Variants in RHBDD1 observed in about 807,000 individuals in gnomAD.
RHBDD1 encodes rhomboid domain containing 1.
RHBDD1 carries 38 observed loss-of-function variants against 36.3 expected under a neutral mutation model. The observed-to-expected ratio is 1.05, with a 90% CI of 0.81 to 1.37. The LOEUF (loss-of-function observed/expected upper bound fraction) is 1.37. Among genes scored for constraint, RHBDD1 ranks in the 40% most tolerant of loss-of-function variants. RHBDD1 has a pLI of 0.00. For missense variants in RHBDD1, 393 were observed against 377.6 expected, an observed-to-expected ratio of 1.04 and a Z score of -0.34; for synonymous variants, 151 against 136.5, an observed-to-expected ratio of 1.11 and a Z score of -0.74.
In RHBDD1 at chr2:226,883,127, A is replaced by G. The variant is rs542278415; in HGVS notation, c.566+15809A>G. Among the ~76,000 whole-genome samples the G allele has an allele frequency of 5.9e-5, 9 of 152,304 alleles. No individual in the cohort carries two copies. In the South Asian group the frequency reaches 1.9e-3, roughly 32 times the overall value. On this transcript the variant is annotated intron_variant, in intron 5 of 8. Transcript: ENST00000392062. The stretch of plus-strand genomic sequence containing the variant: ...AGAGTTCCTCATGGCTGTGACACTT[A>G]TTTTTATTTATTTCTAATGAGTTAT...
rs189308840 is a variant in RHBDD1 at position 226,963,660 on chromosome 2, A to G, written c.857-31771A>G. 4.3e-3 allele frequency among the ~76,000 whole-genome samples: 649 copies of G among 152,030 alleles called. 4 individuals carry two copies. The highest frequency in any genetic ancestry group is 3.7e-3 in the Non-Finnish European group (249 of 67,976). ...TGCCCTTGCTTCTCACCCTTCTTCC[A>G]TTTACCTGGAAAAATCCCAGACTTG... On this transcript the variant is annotated intron_variant, in intron 8 of 8. Coordinates refer to ENST00000392062, the MANE Select transcript of RHBDD1 (RefSeq NM_001167608.3).
chr2:226,992,413 G>A (rs1958446764), intron 8 of RHBDD1, among the ~76,000 whole-genome samples: 1 of 152,242 alleles, frequency 6.6e-6, no homozygotes, highest in African/African-American at 2.4e-5. Flanking sequence ...ATTCTTCAGA[G>A]AGTAAGATGG....
At chr2:226,932,450 A>G (rs565798947) in intron 8 of RHBDD1, among the ~76,000 whole-genome samples, 6 of 152,166 alleles carry the variant, frequency 3.9e-5, no homozygotes, top group South Asian at 4.1e-4. Context: ...CTGAATACCT[A>G]TTGTTGCAAT....
the RHBDD1 span, among the ~76,000 whole-genome samples, chr2:226,818,186 G>A: frequency 1.6e-5 from 2 of 125,554 alleles, no homozygotes; most frequent in African/African-American, 6.3e-5. Context: ...TTGAGATGGA[G>A]TCTCACTCTG....
the RHBDD1 span, among the ~76,000 whole-genome samples, chr2:226,816,913 G>A: frequency 1.4e-5 from 2 of 139,582 alleles, no homozygotes; most frequent in African/African-American, 2.5e-5. Flanking sequence ...ACACACACAC[G>A]TCTAATACCT....
At chr2:226,942,856 C>T (rs958813959) in intron 8 of RHBDD1, among the ~76,000 whole-genome samples, 1 of 152,126 alleles carries the variant, frequency 6.6e-6, no homozygotes, top group African/African-American at 2.4e-5. Flanking sequence ...AATAAATGTG[C>T]TTGCATTAAG....
chr2:226,909,919 A>G (rs4675119), intron 7 of RHBDD1, among the ~76,000 whole-genome samples: 1 of 151,988 alleles, frequency 6.6e-6, no homozygotes. Context: ...CCTTTTCTTT[A>G]AAGGACCGGA....
intron 8 of RHBDD1, among the ~76,000 whole-genome samples, chr2:226,985,437 C>T (rs1956716192): frequency 6.6e-6 from 1 of 152,248 alleles, no homozygotes; most frequent in Non-Finnish European, 1.5e-5. Flanking sequence ...AACCCTAATT[C>T]TGCTTACGAT....
chr2:226,859,736 T>C (rs913037271), intron 3 of RHBDD1, among the ~76,000 whole-genome samples: 8 of 152,104 alleles, frequency 5.3e-5, no homozygotes, highest in African/African-American at 1.9e-4. Flanking sequence ...GATGAGACCA[T>C]AGTGGCGGGC....
chr2:226,930,831 GAAT>G (rs1013035743), intron 8 of RHBDD1, among the ~76,000 whole-genome samples: 3 of 152,056 alleles, frequency 2.0e-5, no homozygotes, highest in Admixed American at 6.5e-5. Flanking sequence ...CAAATGACAT[GAAT>G]AGACATTCCT....
chr2:226,821,173 C>G, the RHBDD1 span, among the ~76,000 whole-genome samples: 1 of 152,128 alleles, frequency 6.6e-6, no homozygotes, highest in Admixed American at 6.5e-5. Flanking sequence ...CTAAGCTTAA[C>G]AAAAAGCCAC....
chr2:226,986,726 TTGG>T (rs1957036425), intron 8 of RHBDD1, among the ~76,000 whole-genome samples: 1 of 152,224 alleles, frequency 6.6e-6, no homozygotes, highest in Non-Finnish European at 1.5e-5. Context: ...TTGTACACTG[TTGG>T]TGGGAGTGTA....
At chr2:226,897,620 C>A (rs1337577911) in intron 5 of RHBDD1, among the ~76,000 whole-genome samples, 1 of 152,172 alleles carries the variant, frequency 6.6e-6, no homozygotes, top group Non-Finnish European at 1.5e-5. Context: ...CCAGTTTGTG[C>A]AAAGACCACA....
intron 3 of RHBDD1, among the ~76,000 whole-genome samples, chr2:226,857,506 TAG>T: frequency 6.6e-6 from 1 of 152,284 alleles, no homozygotes; most frequent in East Asian, 1.9e-4. Context: ...CATTATTCAT[TAG>T]AGTCAAAAAG....
At chr2:226,846,540 T>C (rs966658378) in intron 3 of RHBDD1, among the ~76,000 whole-genome samples, 1 of 151,986 alleles carries the variant, frequency 6.6e-6, no homozygotes, top group African/African-American at 2.4e-5. Context: ...GGTCAGGAGT[T>C]AAAGACCAGC....
At chr2:226,850,099 C>T (rs1391361083) in intron 3 of RHBDD1, among the ~76,000 whole-genome samples, 1 of 152,138 alleles carries the variant, frequency 6.6e-6, no homozygotes. Context: ...TTGTTAAGGA[C>T]GTGCTAACTG....
intron 5 of RHBDD1, among the ~76,000 whole-genome samples, chr2:226,901,898 G>A (rs1947627788): frequency 6.6e-6 from 1 of 152,080 alleles, no homozygotes; most frequent in Non-Finnish European, 1.5e-5. Flanking sequence ...TTAGATACAT[G>A]TATTTTATGT....
intron 7 of RHBDD1, among the ~76,000 whole-genome samples, chr2:226,913,049 A>G (rs1400351645): frequency 6.6e-6 from 1 of 152,204 alleles, no homozygotes; most frequent in Non-Finnish European, 1.5e-5. Context: ...AGAATACAAC[A>G]GTAAATTTTA....
intron 8 of RHBDD1, among the ~76,000 whole-genome samples, chr2:226,919,878 A>G (rs1240985188): frequency 6.6e-6 from 1 of 152,014 alleles, no homozygotes; most frequent in African/African-American, 2.4e-5. Flanking sequence ...TGGTATTTTG[A>G]TAGGGGTTGC....
Sources: gnomAD v4.1 joint callset for allele counts (sites outside exome capture counted in the v4.1 genomes callset) on GRCh38, gnomAD v4.1.1 for gene constraint, MANE v1.5 for transcripts, NCBI Gene and HGNC (gene_info 2026-07-23, HGNC 2026-07-21) for gene names.